ZNF431: variants seen among roughly 807,000 people sequenced by gnomAD.
ZNF431 encodes zinc finger protein 431.
A neutral mutation model predicts 57.0 loss-of-function variants in ZNF431; 34 were observed. The ratio of observed to expected loss-of-function variants is 0.60; its 90% CI spans 0.45 to 0.79. ZNF431 has a LOEUF of 0.79. Ranked by LOEUF, ZNF431 falls within the 30% of genes least tolerant of loss-of-function variation. The probability of loss-of-function intolerance (pLI) is 0.00; values close to 1 mark genes in which losing one functional copy is unlikely to be tolerated. For synonymous variants in ZNF431, 207 were observed against 220.3 expected (o/e 0.94, Z 0.54); for missense variants, 607 against 667.1 (o/e 0.91, Z 0.99).
chr19:21,163,354 C>G (rs757684174), intron 2 of ZNF431, among the ~76,000 whole-genome samples: 1 of 152,212 alleles, frequency 6.6e-6, no homozygotes, highest in African/African-American at 2.4e-5. Context: ...GACAACAGAG[C>G]TGAGTGTAAG....
In ZNF431 at chr19:21,167,064, G is replaced by C. The variant is rs184589042; in HGVS notation, c.224-507G>C. The stretch of plus-strand genomic sequence containing the variant: ...GTAGATACAGTGTTTCACCACGTTG[G>C]CCAGGCTGGTCTCAAACTCCTGACC... On this transcript the variant is annotated intron_variant, in intron 3 of 4. Transcript: ENST00000311048. 1.7e-4 allele frequency among the ~76,000 whole-genome samples: 26 copies of C among 152,090 alleles called. No homozygotes were observed. The East Asian group carries it at 2.3e-3, about 14-fold the overall frequency.
chr19:21,181,126 CTAT>C (rs1246634436), intron 4 of ZNF431, among the ~76,000 whole-genome samples: 6 of 152,088 alleles, frequency 3.9e-5, no homozygotes, highest in East Asian at 1.9e-4. Context: ...ATTTTTTGCA[CTAT>C]TATTATAATG....
intron 3 of ZNF431, 111 bp downstream of exon 3, chr19:21,166,572 C>A: frequency 7.9e-7 from 1 of 1,259,690 alleles, no homozygotes; most frequent in East Asian, 2.5e-5. Context: ...TTTCTAATCC[C>A]AGTTTTCAAG....
intron 2 of ZNF431, among the ~76,000 whole-genome samples, chr19:21,154,890 G>A (rs1400786883): frequency 1.3e-5 from 2 of 151,974 alleles, no homozygotes; most frequent in Non-Finnish European, 2.9e-5. Context: ...TTATAAATTT[G>A]TCTGAGTTCA....
At position 21,189,774 on chromosome 19, in the gene ZNF431, A is replaced by C. The variant is rs192768636; in HGVS notation, c.*5740A>C. 6.1e-4 allele frequency: 242 copies of C among 395,988 alleles called. 2 individuals are homozygous for C. Among genetic ancestry groups the C allele is most frequent in the African/African-American group, 4.7e-3 (229 of 48,650 alleles). 24.5% of individuals were successfully genotyped at this position (395,988 alleles called of 1,614,324 possible). A position where few individuals can be genotyped will look rare whatever the true frequency, so the allele number is the denominator to read the frequency against. On this transcript the variant is annotated 3_prime_UTR_variant, in exon 5 of 5. Transcript: ENST00000311048. ...GTGTAAGTGAAATTATGAGACACTA[A>C]TCTTTCTGTGCCTTGCTTATCCCAA... is the stretch of plus-strand genomic sequence containing the variant.
At chr19:21,148,905 G>A (rs1323416591) in intron 2 of ZNF431, among the ~76,000 whole-genome samples, 1 of 152,148 alleles carries the variant, frequency 6.6e-6, no homozygotes, top group Non-Finnish European at 1.5e-5. Flanking sequence ...TGTAAAACAG[G>A]CAAGTTGTAC....
At chr19:21,159,557 A>G (rs1599590456) in intron 2 of ZNF431, among the ~76,000 whole-genome samples, 1 of 152,094 alleles carries the variant, frequency 6.6e-6, no homozygotes, top group South Asian at 2.1e-4. Flanking sequence ...ATTTCTCGTA[A>G]AGACGGGTTT....
chr19:21,145,853 G>A (rs766240855), intron 2 of ZNF431, among the ~76,000 whole-genome samples: 2 of 152,188 alleles, frequency 1.3e-5, no homozygotes, highest in Non-Finnish European at 2.9e-5. Flanking sequence ...TAGAAAGAAG[G>A]TGGGAGGGGA....
At chr19:21,178,507 C>T (rs1971120066) in intron 4 of ZNF431, among the ~76,000 whole-genome samples, 1 of 152,062 alleles carries the variant, frequency 6.6e-6, no homozygotes, top group Non-Finnish European at 1.5e-5. Flanking sequence ...GAGTTTTTAA[C>T]ATGAAGGGAT....
chr19:21,151,604 T>C (rs983723473), intron 2 of ZNF431, among the ~76,000 whole-genome samples: 2 of 152,156 alleles, frequency 1.3e-5, no homozygotes, highest in Non-Finnish European at 2.9e-5. Context: ...ATTATGATGG[T>C]GGAGACCAAG....
Position 21,189,129 on chromosome 19 carries a change from G to C in ZNF431, c.*5095G>C, listed in dbSNP as rs1971449608. On this transcript the variant is annotated 3_prime_UTR_variant, in exon 5 of 5. Transcript: ENST00000311048. ...GACAGGTAGAATCTGTACTTTTTCT[G>C]TAGAACGTAATATTTTGAAGTATAT... 1 of 152,002 alleles carries C rather than the reference G, an allele frequency of 6.6e-6. No homozygotes were observed. The highest frequency in any genetic ancestry group is 2.4e-5 in the African/African-American group (1 of 41,376). The allele number at this position is 152,002 out of a possible 1,614,324, so 9.4% of individuals were successfully genotyped here.
chr19:21,167,512 C>G (rs1263554042), intron 3 of ZNF431, 59 bp from the exon 4 acceptor site: 1 of 1,298,226 alleles, frequency 7.7e-7, no homozygotes, highest in Non-Finnish European at 1.0e-6. Context: ...GAGCACAGTA[C>G]TAGGTTAGTA....
chr19:21,189,907 GC>G lies in ZNF431; in HGVS notation c.*5875del. 1 of 398,032 alleles carries G rather than the reference GC, an allele frequency of 2.5e-6. No homozygotes were observed. Among genetic ancestry groups the G allele is most frequent in the Non-Finnish European group, 4.4e-6 (1 of 226,036 alleles). The allele number at this position is 398,032 out of a possible 1,614,324, so 24.7% of individuals were successfully genotyped here. ...ACACCTGTAATCCCAGCTCTGGGAG[GC>G]CAAGGCCAGTGGATTGCTTGAGCCC... On this transcript the variant is annotated 3_prime_UTR_variant, in exon 5 of 5. Coordinates refer to ENST00000311048, the MANE Select transcript of ZNF431 (RefSeq NM_133473.4).
intron 2 of ZNF431, among the ~76,000 whole-genome samples, chr19:21,148,093 T>G (rs1970156073): frequency 2.6e-5 from 4 of 152,060 alleles, no homozygotes; most frequent in Admixed American, 2.0e-4. Context: ...CCTCCTGGGT[T>G]CAAGTGATTC....
intron 2 of ZNF431, among the ~76,000 whole-genome samples, chr19:21,160,875 CA>C (rs2144974346): frequency 6.6e-6 from 1 of 152,106 alleles, no homozygotes; most frequent in South Asian, 2.1e-4. Flanking sequence ...TATGGTCATT[CA>C]AAACATAGAT....
rs1364088398 is a variant in ZNF431, at chr19:21,184,330, CAG to C, written c.*299_*300del. On this transcript the variant is annotated 3_prime_UTR_variant, in exon 5 of 5. Coordinates refer to ENST00000311048, the MANE Select transcript of ZNF431 (RefSeq NM_133473.4). ...GTACCACTGCACTCCAGTTTGGCAACAGAGTGAGACTCCGTCTCAAAAAAAAT... is the reference window on the plus strand; with the variant it reads ...GTACCACTGCACTCCAGTTTGGCAACAGTGAGACTCCGTCTCAAAAAAAAT... 1 of 228,248 alleles carries C rather than the reference CAG, an allele frequency of 4.4e-6. No homozygotes were observed. The highest frequency in any genetic ancestry group is 8.6e-6 in the Non-Finnish European group (1 of 116,742). 14.1% of individuals were successfully genotyped at this position (228,248 alleles called of 1,614,324 possible). A position where few individuals can be genotyped will look rare whatever the true frequency, so the allele number is the denominator to read the frequency against.
intron 2 of ZNF431, chr19:21,149,712 G>T: frequency 3.3e-6 from 2 of 605,772 alleles, no homozygotes; most frequent in South Asian, 1.5e-5. Flanking sequence ...CTGAGCCACA[G>T]ACTTGAGACC....
intron 2 of ZNF431, among the ~76,000 whole-genome samples, chr19:21,159,168 A>G (rs1427844582): frequency 1.3e-5 from 2 of 152,122 alleles, no homozygotes; most frequent in South Asian, 2.1e-4. Context: ...GATACAGCCT[A>G]CTTGATCACA....
At chr19:21,149,708 C>A in intron 2 of ZNF431, 2 of 603,136 alleles carry the variant, frequency 3.3e-6, no homozygotes, top group Admixed American at 2.0e-5. Flanking sequence ...CGATCTGAGC[C>A]ACAGACTTGA....
Sources: gnomAD v4.1 joint callset for allele counts (sites outside exome capture counted in the v4.1 genomes callset) on GRCh38, gnomAD v4.1.1 for gene constraint, MANE v1.5 for transcripts, NCBI Gene and HGNC (gene_info 2026-07-23, HGNC 2026-07-21) for gene names.